The following PCDHGA3 variants were observed in gnomAD, a reference collection of about 807,000 sequenced individuals.
PCDHGA3 encodes protocadherin gamma subfamily A, 3.
A neutral mutation model predicts 58.5 loss-of-function variants in PCDHGA3; 40 were observed. The observed-to-expected ratio is 0.68, with a 90% CI of 0.53 to 0.89. The LOEUF (loss-of-function observed/expected upper bound fraction) is 0.89, where lower values mean the gene tolerates loss of function less well. PCDHGA3 is among the 40% of genes least tolerant of loss of function. The pLI, the probability that PCDHGA3 is intolerant of heterozygous loss-of-function variation, is 0.00. For synonymous variants in PCDHGA3, 530 were observed against 525.7 expected, an observed-to-expected ratio of 1.01 and a Z score of -0.11; for missense variants, 1,223 against 1,195.9, an observed-to-expected ratio of 1.02 and a Z score of -0.33.
In PCDHGA3 at chr5:141,432,961, A is replaced by T. The variant is rs1457416543; in HGVS notation, c.2425-61846A>T. The T allele has an allele frequency of 1.5e-5, 25 of 1,613,952 alleles. 1 individual carries two copies. The South Asian group carries it at 2.3e-4, about 15-fold the overall frequency. ...AGGCTTCAGGAGGCGGCTTGACAGG[A>T]GCGCCGGCGTCGCACTTTGTGGGCG... On this transcript the variant is annotated intron_variant, in intron 1 of 3. Coordinates refer to ENST00000253812, the MANE Select transcript of PCDHGA3 (RefSeq NM_018916.4). This position sits in a 1 kb window ranked among gnomAD's most constrained non-coding sequence, Gnocchi z 6.0.
In PCDHGA3 at chr5:141,344,934, G is replaced by A. The variant is rs536286068; in HGVS notation, c.901G>A (p.Val301Ile). Residue 301 changes from valine to isoleucine, a missense_variant, in exon 1 of 4, where the codon GTA (valine) becomes ATA (isoleucine). Coordinates refer to ENST00000253812, the MANE Select transcript of PCDHGA3 (RefSeq NM_018916.4). ...IFHLNSVSGEVSILKSLDYED... is the reference protein window; with the variant it reads ...IFHLNSVSGEISILKSLDYED... ...CCATCTTAACTCAGTGAGTGGAGAA[G>A]TATCAATATTAAAAAGTCTAGATTA... The A allele has an allele frequency of 5.0e-6, 8 of 1,613,922 alleles. No homozygotes were observed. The East Asian group carries it at 1.6e-4, about 31-fold the overall frequency.
At chr5:141,408,228 G>C (rs1233027944) in intron 1 of PCDHGA3, 2 of 1,564,122 alleles carry the variant, frequency 1.3e-6, no homozygotes, top group South Asian at 2.3e-5. Flanking sequence ...GCGCAGAGGC[G>C]CCGGGCCGGC....
intron 3 of PCDHGA3, among the ~76,000 whole-genome samples, chr5:141,509,336 GC>G (rs2099876304): frequency 6.6e-6 from 1 of 152,178 alleles, no homozygotes; most frequent in Non-Finnish European, 1.5e-5. Context: ...TGCCAGCTGG[GC>G]CTGGGCTGGC....
chr5:141,409,279 T>C, intron 1 of PCDHGA3: 1 of 1,613,972 alleles, frequency 6.2e-7, no homozygotes, highest in Non-Finnish European at 8.5e-7. Context: ...TTTTGGAGAA[T>C]TCACCTCCAG....
chr5:141,434,480 C>T (rs777049751), intron 1 of PCDHGA3, among the ~76,000 whole-genome samples: 6 of 152,194 alleles, frequency 3.9e-5, no homozygotes, highest in Non-Finnish European at 5.9e-5. Context: ...GGGCAAGGAA[C>T]ACCTGGCCCG....
At chr5:141,424,055 C>T (rs2096796946) in intron 1 of PCDHGA3, 1 of 1,007,784 alleles carries the variant, frequency 9.9e-7, no homozygotes. Flanking sequence ...TTTTGCTGTG[C>T]CTTCACTGAT....
At chr5:141,402,260 A>C (rs2094244604) in intron 1 of PCDHGA3, among the ~76,000 whole-genome samples, 2 of 152,144 alleles carry the variant, frequency 1.3e-5, no homozygotes, top group South Asian at 4.1e-4. Context: ...AACCCCAGAA[A>C]ATAATTTCAA....
chr5:141,394,290 G>A (rs759077173), intron 1 of PCDHGA3: 11 of 1,613,800 alleles, frequency 6.8e-6, no homozygotes, highest in Non-Finnish European at 8.5e-6. Context: ...CTCTGTGACC[G>A]AGGACACGCT....
chr5:141,451,676 G>C (rs1363843426), intron 1 of PCDHGA3, among the ~76,000 whole-genome samples: 1 of 152,142 alleles, frequency 6.6e-6, no homozygotes, highest in African/African-American at 2.4e-5. Context: ...GAGCCCAGGA[G>C]TTCAAGACCA....
At chr5:141,393,890 T>C (rs1207998765) in intron 1 of PCDHGA3, 2 of 1,613,958 alleles carry the variant, frequency 1.2e-6, no homozygotes, top group South Asian at 2.2e-5. Flanking sequence ...TGTTAGAAAA[T>C]TCTCTTCCCG....
At chr5:141,356,196 G>A in intron 1 of PCDHGA3, 2 of 1,609,400 alleles carry the variant, frequency 1.2e-6, no homozygotes, top group Admixed American at 1.7e-5. Context: ...CTAGAAGCAA[G>A]GTACTGGTGA....
intron 1 of PCDHGA3, chr5:141,360,561 T>A: frequency 6.2e-7 from 1 of 1,613,992 alleles, no homozygotes; most frequent in South Asian, 1.1e-5. Context: ...ATTTAAAAAT[T>A]GGCGAATCCA....
chr5:141,423,564 G>A (rs2096754933), intron 1 of PCDHGA3: 2 of 1,613,444 alleles, frequency 1.2e-6, no homozygotes, highest in Non-Finnish European at 1.7e-6. Context: ...ATGGGGACAC[G>A]CTCATCAGCC....
chr5:141,403,229 G>C, intron 1 of PCDHGA3: 1 of 1,613,950 alleles, frequency 6.2e-7, no homozygotes, highest in Non-Finnish European at 8.5e-7. Flanking sequence ...GATAGACCGG[G>C]AGGAGCTCTG....
In PCDHGA3 at chr5:141,344,859, C is replaced by T; in HGVS notation, c.826C>T (p.Gln276Ter). 8 of 1,613,906 alleles carry T rather than the reference C, an allele frequency of 5.0e-6. No individual in the cohort carries two copies. Among genetic ancestry groups the T allele is most frequent in the Non-Finnish European group, 6.8e-6 (8 of 1,179,874 alleles). The change falls in exon 1 of 4, where the codon CAA becomes TAA. Residue 276 changes from glutamine (Q) to a stop codon, truncating the protein, a stop_gained. Coordinates refer to ENST00000253812, the MANE Select transcript of PCDHGA3 (RefSeq NM_018916.4). LOFTEE classifies it high-confidence loss of function. Reference sequence around the variant, plus strand: ...TGACCCTGACGAGGGATTCAATGCTCAAGTGTCTTATATTCTAGATAAAAT... The same window carrying T: ...TGACCCTGACGAGGGATTCAATGCTTAAGTGTCTTATATTCTAGATAAAAT... ...ATDPDEGFNA[Q>*]VSYILDKMPG...
rs752629029 is a variant in PCDHGA3 at position 141,355,350 on chromosome 5, G to T, written c.2424+8893G>T. 6 of 1,614,046 alleles carry T rather than the reference G, an allele frequency of 3.7e-6. No homozygotes were observed. The East Asian group carries it at 1.3e-4, about 36-fold the overall frequency. ...GCTCAGTGGTGGGCAACATCGCCAA[G>T]GACCTGGGGTTGGCGCCCCGGGAGC... On this transcript the variant is annotated intron_variant, in intron 1 of 3. Coordinates refer to ENST00000253812, the MANE Select transcript of PCDHGA3 (RefSeq NM_018916.4).
intron 1 of PCDHGA3, chr5:141,398,921 C>A: frequency 6.2e-7 from 1 of 1,613,962 alleles, no homozygotes; most frequent in African/African-American, 1.3e-5. Flanking sequence ...TTGCAAGTGT[C>A]AGCCACTGAC....
In PCDHGA3 at chr5:141,385,021, G is replaced by A. The variant is rs556987681; in HGVS notation, c.2424+38564G>A. On this transcript the variant is annotated intron_variant, in intron 1 of 3. Coordinates refer to ENST00000253812, the MANE Select transcript of PCDHGA3 (RefSeq NM_018916.4). ...AGTCTCCTGCGTCTTCCTAGCCTTC[G>A]TCCTCGTACTGCTGGCGCTCAGGCT... 4.4e-5 allele frequency: 71 copies of A among 1,614,120 alleles called. No individual in the cohort carries two copies. The East Asian group carries it at 1.5e-3, about 35-fold the overall frequency.
intron 1 of PCDHGA3, chr5:141,390,073 G>C: frequency 6.2e-7 from 1 of 1,614,074 alleles, no homozygotes; most frequent in Non-Finnish European, 8.5e-7. Context: ...CCTGGTCTCT[G>C]TGTTAAATCC....
Sources: gnomAD v4.1 joint callset for allele counts (sites outside exome capture counted in the v4.1 genomes callset) on GRCh38, gnomAD v4.1.1 for gene constraint, Gnocchi (gnomAD v3.1) non-coding constraint, MANE v1.5 for transcripts, NCBI Gene and HGNC (gene_info 2026-07-23, HGNC 2026-07-21) for gene names.